DPT: variants seen among roughly 807,000 people sequenced by gnomAD.
DPT encodes the protein tyrosine-rich acidic matrix protein.
In DPT, 21 loss-of-function variants were observed where a neutral mutation model predicts 31.2. The observed-to-expected ratio is 0.67, with a 90% CI of 0.48 to 0.97. DPT has a LOEUF of 0.97. Among genes scored for constraint, DPT ranks in the 50% least tolerant of loss-of-function variants. The pLI, the probability that DPT is intolerant of heterozygous loss-of-function variation, is 0.00. For missense variants in DPT, 262 were observed against 258.8 expected, an observed-to-expected ratio of 1.01 and a Z score of -0.08; for synonymous variants, 91 against 86.9, an observed-to-expected ratio of 1.05 and a Z score of -0.26.
intron 2 of DPT, among the ~76,000 whole-genome samples, chr1:168,710,704 G>A (rs1226728456): frequency 2.0e-5 from 3 of 152,110 alleles, no homozygotes; most frequent in Admixed American, 6.5e-5. Flanking sequence ...TGAGAGGAAC[G>A]ATACCTAGCA....
chr1:168,728,879 C>A lies in DPT; in HGVS notation c.296G>T (p.Gly99Val). ...ECWWEEINRA[G>V]MEWYQTCSNN... ...AGGGACTGGCCCTTACCATTCCATG[C>A]CAGCCCTGTTGATCTCCTCCCACCA... The change falls in exon 1 of 4, where the codon GGC becomes GTC. Residue 99 changes from glycine (G) to valine (V), a missense_variant. By Grantham distance (109) the Gly-to-Val change is moderately radical. Coordinates refer to ENST00000367817, the MANE Select transcript of DPT (RefSeq NM_001937.5). 1 of 1,614,098 alleles carries A rather than the reference C, an allele frequency of 6.2e-7. No homozygotes were observed. The highest frequency in any genetic ancestry group is 8.5e-7 in the Non-Finnish European group (1 of 1,179,962).
chr1:168,699,232 G>A (rs1373660199), intron 3 of DPT, among the ~76,000 whole-genome samples: 1 of 152,086 alleles, frequency 6.6e-6, no homozygotes, highest in African/African-American at 2.4e-5. Context: ...GGAGCATTGA[G>A]CACCCCTGTT....
intron 2 of DPT, among the ~76,000 whole-genome samples, chr1:168,702,818 G>T (rs1173666636): frequency 6.6e-6 from 1 of 152,004 alleles, no homozygotes; most frequent in Non-Finnish European, 1.5e-5. Flanking sequence ...CACCATGTTG[G>T]CCAGGCTGGT....
intron 3 of DPT, among the ~76,000 whole-genome samples, chr1:168,700,015 T>G (rs1649557179): frequency 6.6e-6 from 1 of 152,234 alleles, no homozygotes; most frequent in Admixed American, 6.5e-5. Context: ...CTTCTTTCAT[T>G]AATTTTTGCA....
Position 168,711,750 on chromosome 1 carries a change from A to T in DPT, c.431+2471T>A, listed in dbSNP as rs1182898928. ...TCCTGCATCTGGGAGGGTGAAGGGGACTCTGTTTCAAGACAGGTCAGCTCT... is the reference window on the plus strand; with the variant it reads ...TCCTGCATCTGGGAGGGTGAAGGGGTCTCTGTTTCAAGACAGGTCAGCTCT... On this transcript the variant is annotated intron_variant, in intron 2 of 3. Transcript: ENST00000367817. Among the ~76,000 whole-genome samples, 3 of 152,030 alleles carry T rather than the reference A, an allele frequency of 2.0e-5. No individual in the cohort carries two copies. The East Asian group carries it at 5.8e-4, about 29-fold the overall frequency.
intron 2 of DPT, among the ~76,000 whole-genome samples, chr1:168,709,880 A>G (rs1649812821): frequency 6.6e-6 from 1 of 152,242 alleles, no homozygotes. Context: ...AAGGCTGTTA[A>G]AAGGATCAAA....
chr1:168,719,845 T>C (rs1650063021), intron 1 of DPT, among the ~76,000 whole-genome samples: 1 of 152,012 alleles, frequency 6.6e-6, no homozygotes, highest in South Asian at 2.1e-4. Context: ...AATTTCAGTT[T>C]CAGAAACTGG....
intron 2 of DPT, among the ~76,000 whole-genome samples, chr1:168,708,511 A>G (rs965367126): frequency 4.6e-5 from 7 of 152,234 alleles, no homozygotes; most frequent in African/African-American, 1.4e-4. Context: ...AAGTATGTCC[A>G]TCTCTATAGT....
intron 1 of DPT, among the ~76,000 whole-genome samples, chr1:168,716,408 G>T (rs1050935378): frequency 3.3e-5 from 5 of 151,726 alleles, no homozygotes; most frequent in Non-Finnish European, 7.4e-5. Context: ...TGGCAGACTA[G>T]AAAACTCAGC....
At chr1:168,704,597 G>C (rs113856149) in intron 2 of DPT, among the ~76,000 whole-genome samples, 101 of 147,426 alleles carry the variant, frequency 6.9e-4, no homozygotes, top group African/African-American at 2.6e-3. Flanking sequence ...TGTGTGGGGT[G>C]TGTGTGTGTG....
chr1:168,727,268 A>G (rs1454442302), intron 1 of DPT, among the ~76,000 whole-genome samples: 1 of 152,204 alleles, frequency 6.6e-6, no homozygotes, highest in East Asian at 1.9e-4. Context: ...CTAGCCGAGG[A>G]AATACTGGAT....
In DPT at chr1:168,716,342, C is replaced by T. The variant is rs144394070; in HGVS notation, c.306-1996G>A. Among the ~76,000 whole-genome samples, 27 of 152,132 alleles carry T rather than the reference C, an allele frequency of 1.8e-4. No individual in the cohort carries two copies. The East Asian group carries it at 2.9e-3, about 16-fold the overall frequency. On this transcript the variant is annotated intron_variant, in intron 1 of 3. Coordinates refer to ENST00000367817, the MANE Select transcript of DPT (RefSeq NM_001937.5). ...AGAATTGAGAGATGGGCTCGGTATT[C>T]GGTCAACCATGTAAATTAGCTTGAA...
At chr1:168,725,195 T>C (rs1572633865) in intron 1 of DPT, among the ~76,000 whole-genome samples, 1 of 146,142 alleles carries the variant, frequency 6.8e-6, no homozygotes, top group African/African-American at 2.5e-5. Flanking sequence ...TTTTTCTTCC[T>C]TTGCTTTTCT....
At chr1:168,702,126 G>T (rs1042108069) in intron 2 of DPT, among the ~76,000 whole-genome samples, 6 of 152,130 alleles carry the variant, frequency 3.9e-5, no homozygotes, top group African/African-American at 1.4e-4. Flanking sequence ...CCATGAAATA[G>T]CTCCTCCAAA....
chr1:168,704,331 G>A (rs1649667621), intron 2 of DPT, among the ~76,000 whole-genome samples: 1 of 152,190 alleles, frequency 6.6e-6, no homozygotes, highest in Non-Finnish European at 1.5e-5. Context: ...ATTGAAATGA[G>A]TCTACTTTTC....
rs78032017 is a variant in DPT, at chr1:168,714,233, G to A, written c.419C>T (p.Pro140Leu). Reference protein sequence around the residue: ...FYCCRYSKRCPYSCWLTTEYP... With the variant: ...FYCCRYSKRCLYSCWLTTEYP... The stretch of plus-strand genomic sequence containing the variant: ...CTGCCAGACTCACCAGCAGGAATAT[G>A]GGCACCTCTTGCTGTAGCGACAACA... The change falls in exon 2 of 4, where the codon CCA (proline) becomes CTA (leucine). Residue 140 changes from proline to leucine, a missense_variant. Coordinates refer to ENST00000367817, the MANE Select transcript of DPT (RefSeq NM_001937.5). 2,968 of 1,614,036 alleles carry A rather than the reference G, an allele frequency of 1.8e-3. 7 individuals carry two copies. Among genetic ancestry groups the A allele is most frequent in the Non-Finnish European group, 2.3e-3 (2,695 of 1,179,984 alleles).
At chr1:168,721,139 G>T (rs920668539) in intron 1 of DPT, among the ~76,000 whole-genome samples, 2 of 152,184 alleles carry the variant, frequency 1.3e-5, no homozygotes, top group African/African-American at 4.8e-5. Flanking sequence ...GAGAGTGGTT[G>T]GGGACAGTGG....
chr1:168,729,124 C>A lies in DPT; in HGVS notation c.51G>T (p.Trp17Cys). 6.2e-7 allele frequency: 1 copy of A among 1,614,144 alleles called. No homozygotes were observed. Among genetic ancestry groups the A allele is most frequent in the East Asian group, 2.2e-5 (1 of 44,872 alleles). ...GGTATCCATAATCGCCATACTGGCCCCAGGCCATGGTGACTAGGGGCAGAA... is the reference window on the plus strand; with the variant it reads ...GGTATCCATAATCGCCATACTGGCCACAGGCCATGGTGACTAGGGGCAGAA... Reference protein sequence around the residue: ...WVLLPLVTMAWGQYGDYGYPY... With the variant: ...WVLLPLVTMACGQYGDYGYPY... The change falls in exon 1 of 4, where the codon TGG (tryptophan) becomes TGT (cysteine). Residue 17 changes from tryptophan (W) to cysteine (C), a missense_variant. By Grantham distance (215) the Trp-to-Cys change is radical. Coordinates refer to ENST00000367817, the MANE Select transcript of DPT (RefSeq NM_001937.5).
intron 1 of DPT, among the ~76,000 whole-genome samples, chr1:168,727,648 C>A (rs553216674): frequency 3.1e-4 from 47 of 151,682 alleles, no homozygotes; most frequent in Admixed American, 7.2e-4. Flanking sequence ...AGTGATCCTC[C>A]TACCTTAGCC....
Sources: gnomAD v4.1 joint callset for allele counts (sites outside exome capture counted in the v4.1 genomes callset) on GRCh38, gnomAD v4.1.1 for gene constraint, MANE v1.5 for transcripts, NCBI Gene and HGNC (gene_info 2026-07-23, HGNC 2026-07-21) for gene names.